The following NAF1 variants were observed in gnomAD, a reference collection of about 807,000 sequenced individuals.
NAF1 encodes the protein nuclear assembly factor 1 ribonucleoprotein.
In NAF1, 11 loss-of-function variants were observed where a neutral mutation model predicts 40.6. The observed-to-expected ratio is 0.27, with a 90% CI of 0.17 to 0.45. The LOEUF (loss-of-function observed/expected upper bound fraction) is 0.45. NAF1 is among the 20% of genes least tolerant of loss of function. NAF1 has a pLI of 1.00. For missense variants in NAF1, 607 were observed against 611.1 expected, an observed-to-expected ratio of 0.99 and a Z score of 0.07; for synonymous variants, 260 against 228.5, an observed-to-expected ratio of 1.14 and a Z score of -1.24.
chr4:163,125,634 T>A (rs1730634683), downstream of NAF1, among the ~76,000 whole-genome samples: 1 of 152,084 alleles, frequency 6.6e-6, no homozygotes, highest in African/African-American at 2.4e-5. Context: ...AAAGAAGCCA[T>A]CTCCATAACA....
chr4:163,140,402 G>C lies in NAF1; in HGVS notation c.718-19C>G, dbSNP rs376296540. 22 of 1,576,546 alleles carry C rather than the reference G, an allele frequency of 1.4e-5. No individual in the cohort carries two copies. Among genetic ancestry groups the C allele is most frequent in the African/African-American group, 2.7e-5 (2 of 72,766 alleles). Reference sequence around the variant, plus strand: ...CGAATATCTGTAATAGAAACATAAAGGCCTCTTTTAACATGTAAAATAACT... The same window carrying C: ...CGAATATCTGTAATAGAAACATAAACGCCTCTTTTAACATGTAAAATAACT... On this transcript the variant is annotated intron_variant, in intron 4 of 7. Transcript: ENST00000274054.
downstream of NAF1, chr4:163,126,813 T>C (rs1730669354): frequency 1.1e-6 from 1 of 934,732 alleles, no homozygotes; most frequent in Non-Finnish European, 1.5e-6. Flanking sequence ...CTGCCACTTT[T>C]AGCAACAACT....
chr4:163,149,763 G>C (rs867874527), intron 2 of NAF1, among the ~76,000 whole-genome samples: 1 of 152,080 alleles, frequency 6.6e-6, no homozygotes, highest in Admixed American at 6.6e-5. Flanking sequence ...AATGCAGAAG[G>C]GAGTTTAGTT....
chr4:163,147,616 G>A (rs1246712313), intron 3 of NAF1, among the ~76,000 whole-genome samples: 1 of 152,064 alleles, frequency 6.6e-6, no homozygotes, highest in Non-Finnish European at 1.5e-5. Context: ...AATCAAAGGT[G>A]GTGAGCAGAA....
intron 2 of NAF1, among the ~76,000 whole-genome samples, chr4:163,120,631 A>G (rs1380988718): frequency 6.6e-6 from 1 of 152,250 alleles, no homozygotes; most frequent in East Asian, 1.9e-4. Flanking sequence ...ACTAGCCTTC[A>G]AATAAATATG....
chr4:163,159,890 T>C (rs1183596596), intron 2 of NAF1, among the ~76,000 whole-genome samples: 2 of 152,214 alleles, frequency 1.3e-5, no homozygotes, highest in Non-Finnish European at 2.9e-5. Context: ...TTAAATGTTA[T>C]GTGAAGCCTT....
chr4:163,124,032 AATACC>A (rs1463821455), downstream of NAF1, among the ~76,000 whole-genome samples: 1 of 152,198 alleles, frequency 6.6e-6, no homozygotes, highest in Non-Finnish European at 1.5e-5. Context: ...GCTGTAACAA[AATACC>A]ACAGGCTGAG....
chr4:163,122,716 C>G (rs965985009), downstream of NAF1, among the ~76,000 whole-genome samples: 3 of 152,190 alleles, frequency 2.0e-5, no homozygotes, highest in East Asian at 3.9e-4. Context: ...GGGCTCCCCC[C>G]TCACTGGGGG....
intron 2 of NAF1, among the ~76,000 whole-genome samples, chr4:163,155,470 G>A (rs1579181901): frequency 1.3e-5 from 2 of 152,092 alleles, no homozygotes; most frequent in Admixed American, 6.6e-5. Flanking sequence ...CTTTGTCTGA[G>A]CAGAAATCAG....
At chr4:163,150,356 C>G (rs1731650027) in intron 2 of NAF1, among the ~76,000 whole-genome samples, 1 of 152,106 alleles carries the variant, frequency 6.6e-6, no homozygotes, top group African/African-American at 2.4e-5. Flanking sequence ...CTTTCAACCA[C>G]CCAGTGCCAA....
intron 2 of NAF1, among the ~76,000 whole-genome samples, chr4:163,160,580 G>T: frequency 6.6e-6 from 1 of 152,156 alleles, no homozygotes; most frequent in East Asian, 1.9e-4. Context: ...CCAGAGAGGC[G>T]ACATTCCTGC....
At chr4:163,112,035 ATGGGAGAAGAGGAAT>A (rs1730176123) in intron 2 of NAF1, among the ~76,000 whole-genome samples, 1 of 152,126 alleles carries the variant, frequency 6.6e-6, no homozygotes, top group South Asian at 2.1e-4. Context: ...TACAGAGGAA[ATGGGAGAAGAGGAAT>A]TGGGAGTCTG....
downstream of NAF1, among the ~76,000 whole-genome samples, chr4:163,127,277 G>A (rs1307578780): frequency 1.3e-5 from 2 of 152,056 alleles, no homozygotes; most frequent in Non-Finnish European, 2.9e-5. Flanking sequence ...TTACAGGCAC[G>A]TGCCACCACG....
chr4:163,135,846 T>C (rs563050356), intron 6 of NAF1: 2 of 152,202 alleles, frequency 1.3e-5, no homozygotes, highest in Non-Finnish European at 2.9e-5. Context: ...TGATTTGAGA[T>C]GTTTATGAAT....
In NAF1 at chr4:163,131,514, A is replaced by G. The variant is rs114163815; in HGVS notation, c.1033+1640T>C. Among the ~76,000 whole-genome samples, 406 of 152,350 alleles carry G rather than the reference A, an allele frequency of 2.7e-3. 3 individuals carry two copies. The highest frequency in any genetic ancestry group is 0.01 in the South Asian group (50 of 4,834). ...CTAGAATACCGATTATAATTTTGAAAAAGAGAAATAAAGTAGGAGTTATCA... is the reference window on the plus strand; with the variant it reads ...CTAGAATACCGATTATAATTTTGAAGAAGAGAAATAAAGTAGGAGTTATCA... On this transcript the variant is annotated intron_variant, in intron 7 of 7. Transcript: ENST00000274054.
At chr4:163,161,825 C>T (rs1732236438) in intron 2 of NAF1, among the ~76,000 whole-genome samples, 1 of 152,158 alleles carries the variant, frequency 6.6e-6, no homozygotes, top group Admixed American at 6.5e-5. Flanking sequence ...GAAAGATAAA[C>T]CATTCCATGT....
intron 2 of NAF1, among the ~76,000 whole-genome samples, chr4:163,114,937 A>T (rs1404332757): frequency 6.6e-6 from 1 of 151,912 alleles, no homozygotes; most frequent in Non-Finnish European, 1.5e-5. Context: ...TTTTGTATCC[A>T]TTTTCATAAG....
At chr4:163,136,540 C>T (rs1313699551) in intron 6 of NAF1, among the ~76,000 whole-genome samples, 1 of 151,196 alleles carries the variant, frequency 6.6e-6, no homozygotes, top group East Asian at 1.9e-4. Context: ...AGATAATCTG[C>T]TTAAACACTT....
At chr4:163,143,220 T>C (rs888170500) in intron 4 of NAF1, among the ~76,000 whole-genome samples, 1 of 152,214 alleles carries the variant, frequency 6.6e-6, no homozygotes, top group Admixed American at 6.5e-5. Flanking sequence ...CACCATTTTT[T>C]ACTCAAAGTC....
Sources: gnomAD v4.1 joint callset for allele counts (sites outside exome capture counted in the v4.1 genomes callset) on GRCh38, gnomAD v4.1.1 for gene constraint, MANE v1.5 for transcripts, NCBI Gene and HGNC (gene_info 2026-07-23, HGNC 2026-07-21) for gene names.